Variants in PDE4D observed in about 807,000 individuals in gnomAD.
The protein encoded by PDE4D is phosphodiesterase 4D.
A neutral mutation model predicts 87.4 loss-of-function variants in PDE4D; 24 were observed. That is an observed-to-expected ratio of 0.27 (90% CI 0.20 to 0.39). The LOEUF (loss-of-function observed/expected upper bound fraction) is 0.39, where lower values mean the gene tolerates loss of function less well. Ranked by LOEUF, PDE4D falls within the 10% of genes least tolerant of loss-of-function variation. The pLI, the probability that PDE4D is intolerant of heterozygous loss-of-function variation, is 1.00. For missense variants in PDE4D, 714 were observed against 1,041.0 expected (o/e 0.69, Z 4.32); for synonymous variants, 384 against 383.2 (o/e 1.00, Z -0.02).
chr5:59,130,427 A>G (rs992258973), intron 5 of PDE4D, among the ~76,000 whole-genome samples: 1 of 152,230 alleles, frequency 6.6e-6, no homozygotes, highest in African/African-American at 2.4e-5. Context: ...TTCACTGTAT[A>G]CTATGTTACT....
chr5:59,437,321 C>T (rs1265879056), intron 1 of PDE4D, among the ~76,000 whole-genome samples: 1 of 152,150 alleles, frequency 6.6e-6, no homozygotes, highest in East Asian at 1.9e-4. Context: ...GACAGATGTC[C>T]TATACTACTT....
chr5:59,590,825 G>A lies in PDE4D; in HGVS notation c.455+302343C>T, dbSNP rs143286079. 2.0e-4 allele frequency among the ~76,000 whole-genome samples: 30 copies of A among 152,210 alleles called. No individual in the cohort carries two copies. The East Asian group carries it at 5.0e-3, about 25-fold the overall frequency. ...AATTAATTGATAAACTACAAACTCAGAGCAAACCAAAATACTTTCAACATT... is the reference window on the plus strand; with the variant it reads ...AATTAATTGATAAACTACAAACTCAAAGCAAACCAAAATACTTTCAACATT... On this transcript the variant is annotated intron_variant, in intron 1 of 14. Transcript: ENST00000340635.
chr5:60,221,403 T>C (rs144147696), intron 1 of PDE4D, among the ~76,000 whole-genome samples: 107 of 152,278 alleles, frequency 7.0e-4, no homozygotes, highest in African/African-American at 2.4e-3. Context: ...TTTCTCCTTT[T>C]AATATTTTCC....
At chr5:60,047,944 T>C (rs1255347157) in intron 2 of PDE4D, among the ~76,000 whole-genome samples, 2 of 152,212 alleles carry the variant, frequency 1.3e-5, no homozygotes, top group Non-Finnish European at 2.9e-5. Flanking sequence ...CTCGTTGCTC[T>C]GTCTAATGTT....
At chr5:59,186,361 T>G (rs1742912756) in intron 3 of PDE4D, among the ~76,000 whole-genome samples, 3 of 152,168 alleles carry the variant, frequency 2.0e-5, no homozygotes, top group Admixed American at 1.3e-4. Flanking sequence ...ACAGGTTTGG[T>G]GCCAAGAACA....
At chr5:59,155,809 C>T (rs1441526205) in intron 5 of PDE4D, among the ~76,000 whole-genome samples, 1 of 151,918 alleles carries the variant, frequency 6.6e-6, no homozygotes, top group South Asian at 2.1e-4. Flanking sequence ...CCGCTGAGAC[C>T]AGAAGGGAGG....
intron 1 of PDE4D, among the ~76,000 whole-genome samples, chr5:59,357,242 C>CTTTA (rs1781528010): frequency 6.6e-6 from 1 of 152,058 alleles, no homozygotes. Flanking sequence ...GTGGGTAAAC[C>CTTTA]TTTATATCAG....
At chr5:59,742,061 T>A (rs1050077142) in intron 1 of PDE4D, among the ~76,000 whole-genome samples, 4 of 152,010 alleles carry the variant, frequency 2.6e-5, no homozygotes, top group Admixed American at 1.3e-4. Flanking sequence ...ATCATCTTCT[T>A]TTGGGGGGAG....
At chr5:59,947,280 G>A (rs1757822391) in intron 3 of PDE4D, among the ~76,000 whole-genome samples, 1 of 152,158 alleles carries the variant, frequency 6.6e-6, no homozygotes, top group Non-Finnish European at 1.5e-5. Flanking sequence ...GTAACTTCCT[G>A]ATATCCCTTG....
chr5:59,958,574 A>G (rs1759121621), intron 3 of PDE4D, among the ~76,000 whole-genome samples: 1 of 152,238 alleles, frequency 6.6e-6, no homozygotes, highest in African/African-American at 2.4e-5. Context: ...ATTGATAAGC[A>G]GAATTATAAA....
chr5:60,270,349 T>G (rs1240596107), intron 1 of PDE4D, among the ~76,000 whole-genome samples: 1 of 152,212 alleles, frequency 6.6e-6, no homozygotes, highest in East Asian at 1.9e-4. Flanking sequence ...ATCTCTTTGC[T>G]CTTGAATGTT....
intron 1 of PDE4D, among the ~76,000 whole-genome samples, chr5:60,504,113 C>G (rs1030925718): frequency 2.6e-5 from 4 of 152,170 alleles, no homozygotes; most frequent in African/African-American, 9.7e-5. Context: ...GGCTTCCTAT[C>G]CGACCCATCA....
At chr5:60,039,117 G>C (rs1227885155) in intron 2 of PDE4D, among the ~76,000 whole-genome samples, 3 of 151,384 alleles carry the variant, frequency 2.0e-5, no homozygotes, top group Non-Finnish European at 3.0e-5. Context: ...AAATCATGCT[G>C]CTATAAAGAC....
At chr5:59,426,145 CAG>C (rs1410309830) in intron 1 of PDE4D, among the ~76,000 whole-genome samples, 1 of 152,154 alleles carries the variant, frequency 6.6e-6, no homozygotes, top group African/African-American at 2.4e-5. Context: ...GCAAGACAAC[CAG>C]AGTCCTAAGG....
intron 1 of PDE4D, among the ~76,000 whole-genome samples, chr5:60,373,166 G>T (rs368792317): frequency 1.3e-5 from 2 of 152,226 alleles, no homozygotes; most frequent in African/African-American, 4.8e-5. Context: ...GTCCTGTGTT[G>T]AGGTTCATTT....
intron 1 of PDE4D, among the ~76,000 whole-genome samples, chr5:60,383,520 C>G (rs1426529646): frequency 1.3e-5 from 2 of 152,128 alleles, no homozygotes; most frequent in Non-Finnish European, 2.9e-5. Flanking sequence ...GGTGTGCTTC[C>G]CAGAATATTA....
At chr5:59,602,730 C>A (rs189446011) in intron 1 of PDE4D, among the ~76,000 whole-genome samples, 20 of 152,070 alleles carry the variant, frequency 1.3e-4, no homozygotes, top group African/African-American at 4.8e-4. Context: ...AAATATCCAA[C>A]TCAACCTTGA....
intron 1 of PDE4D, among the ~76,000 whole-genome samples, chr5:59,414,068 C>T (rs1486512842): frequency 2.0e-5 from 3 of 152,192 alleles, no homozygotes; most frequent in African/African-American, 4.8e-5. Context: ...CAAAATCTTA[C>T]AATGAAAGAC....
chr5:59,248,511 A>G (rs1759316600), intron 1 of PDE4D, among the ~76,000 whole-genome samples: 1 of 152,034 alleles, frequency 6.6e-6, no homozygotes, highest in Non-Finnish European at 1.5e-5. Context: ...TAATTAAATA[A>G]TCAACTCCCT....
Sources: gnomAD v4.1 joint callset for allele counts (sites outside exome capture counted in the v4.1 genomes callset) on GRCh38, gnomAD v4.1.1 for gene constraint, MANE v1.5 for transcripts, NCBI Gene and HGNC (gene_info 2026-07-23, HGNC 2026-07-21) for gene names.